Variants in GAS2 observed in about 807,000 individuals in gnomAD.
GAS2 encodes growth arrest specific 2.
Under a neutral mutation model 37.5 loss-of-function variants are expected in GAS2, and 20 were observed. The observed-to-expected ratio is 0.53, with a 90% CI of 0.37 to 0.77. The LOEUF is 0.77. Ranked by LOEUF, GAS2 falls within the 30% of genes least tolerant of loss-of-function variation. The pLI is 0.00. For missense variants in GAS2, 336 were observed against 373.4 expected, an observed-to-expected ratio of 0.90 and a Z score of 0.82; for synonymous variants, 144 against 132.2, an observed-to-expected ratio of 1.09 and a Z score of -0.61.
At chr11:22,698,638 G>A (rs1850668429) in intron 3 of GAS2, among the ~76,000 whole-genome samples, 1 of 149,862 alleles carries the variant, frequency 6.7e-6, no homozygotes, top group South Asian at 2.1e-4. Flanking sequence ...CTGGCAAACC[G>A]AATCCAGCAG....
At chr11:22,655,116 A>G (rs1848840525) in intron 1 of GAS2, among the ~76,000 whole-genome samples, 1 of 152,020 alleles carries the variant, frequency 6.6e-6, no homozygotes, top group South Asian at 2.1e-4. Flanking sequence ...AGCTCTTCAG[A>G]CTGTCTGTCC....
At chr11:22,643,714 C>T (rs935070864) in intron 1 of GAS2, among the ~76,000 whole-genome samples, 7 of 151,424 alleles carry the variant, frequency 4.6e-5, no homozygotes, top group Middle Eastern at 3.4e-3. Context: ...AAAAAAAATA[C>T]GGACCGGGTT....
At chr11:22,761,500 T>C (rs1291162505) in intron 7 of GAS2, among the ~76,000 whole-genome samples, 2 of 152,202 alleles carry the variant, frequency 1.3e-5, no homozygotes, top group Non-Finnish European at 2.9e-5. Context: ...TAATGAATAC[T>C]TTTTTACTTA....
chr11:22,683,234 A>T (rs573087720), intron 2 of GAS2, among the ~76,000 whole-genome samples: 11 of 152,272 alleles, frequency 7.2e-5, no homozygotes, highest in Non-Finnish European at 1.3e-4. Context: ...AGTTTAACTT[A>T]AATGGTTCAT....
intron 3 of GAS2, among the ~76,000 whole-genome samples, chr11:22,718,721 A>C (rs1222589064): frequency 1.3e-5 from 2 of 151,970 alleles, no homozygotes; most frequent in Non-Finnish European, 2.9e-5. Flanking sequence ...ATGAACACTG[A>C]GATTTCTATT....
In GAS2 at chr11:22,683,975, G is replaced by A. The variant is rs768333434; in HGVS notation, c.146-1693G>A. 2.0e-5 allele frequency among the ~76,000 whole-genome samples: 3 copies of A among 152,244 alleles called. No homozygotes were observed. In the East Asian group the frequency reaches 5.8e-4, roughly 29 times the overall value. On this transcript the variant is annotated intron_variant, in intron 2 of 7. Transcript: ENST00000454584. ...AGTGATATTCATGAGTATGACATAC[G>A]GAAAACAGATCAATGTGTACTGGAT...
intron 3 of GAS2, among the ~76,000 whole-genome samples, chr11:22,689,939 T>A (rs1475459010): frequency 3.3e-5 from 5 of 152,342 alleles, no homozygotes; most frequent in Non-Finnish European, 5.9e-5. Flanking sequence ...TTCTTTGAAT[T>A]AATGAAACTG....
intron 1 of GAS2, among the ~76,000 whole-genome samples, chr11:22,667,910 T>C (rs569585656): frequency 6.6e-6 from 1 of 152,354 alleles, no homozygotes; most frequent in Non-Finnish European, 1.5e-5. Flanking sequence ...CAAAACTTTA[T>C]TCTTATAAAA....
At chr11:22,805,564 C>CGGTG (rs1279058128) in intron 7 of GAS2, among the ~76,000 whole-genome samples, 2 of 152,096 alleles carry the variant, frequency 1.3e-5, no homozygotes. Flanking sequence ...TAGTAACCAC[C>CGGTG]ATTCTTTTCT....
intron 1 of GAS2, among the ~76,000 whole-genome samples, chr11:22,647,322 T>G (rs983153720): frequency 1.3e-5 from 2 of 152,158 alleles, no homozygotes; most frequent in Non-Finnish European, 2.9e-5. Flanking sequence ...CAGTCTATCA[T>G]TGTTGGACAC....
At chr11:22,810,321 G>T (rs1434298912) in intron 7 of GAS2, among the ~76,000 whole-genome samples, 1 of 145,156 alleles carries the variant, frequency 6.9e-6, no homozygotes, top group Non-Finnish European at 1.6e-5. Context: ...GTCCAGATGC[G>T]GTGTTCTGGT....
At chr11:22,758,479 G>A (rs1854174267) in intron 7 of GAS2, among the ~76,000 whole-genome samples, 1 of 152,164 alleles carries the variant, frequency 6.6e-6, no homozygotes, top group Non-Finnish European at 1.5e-5. Flanking sequence ...CCTGAGAGCA[G>A]CAGTGTATTC....
intron 1 of GAS2, among the ~76,000 whole-genome samples, chr11:22,635,417 G>T (rs1254430043): frequency 6.6e-6 from 1 of 152,130 alleles, no homozygotes; most frequent in Non-Finnish European, 1.5e-5. Flanking sequence ...GCCTCACCTG[G>T]CCCCTACACA....
chr11:22,707,894 T>C (rs1298204973), intron 3 of GAS2, among the ~76,000 whole-genome samples: 1 of 152,164 alleles, frequency 6.6e-6, no homozygotes, highest in Non-Finnish European at 1.5e-5. Flanking sequence ...AAGATTAATC[T>C]GAGGTTGATG....
At chr11:22,685,162 TAG>T (rs149830117) in intron 2 of GAS2, among the ~76,000 whole-genome samples, 6 of 149,272 alleles carry the variant, frequency 4.0e-5, no homozygotes, top group Admixed American at 6.7e-5. Flanking sequence ...TACAATCCTG[TAG>T]AGAGAGAGAG....
intron 3 of GAS2, among the ~76,000 whole-genome samples, chr11:22,704,427 A>G (rs187394994): frequency 6.6e-6 from 1 of 151,584 alleles, no homozygotes; most frequent in Admixed American, 6.6e-5. Flanking sequence ...GTTATAAAGT[A>G]GAGAAGAGAG....
rs922339860 is a variant in GAS2 at position 22,775,676 on chromosome 11, T to TA, written c.723+19733dup. 3.2e-4 allele frequency among the ~76,000 whole-genome samples: 48 copies of TA among 148,814 alleles called. 1 individual carries two copies. Among genetic ancestry groups the TA allele is most frequent in the Middle Eastern group, 7.0e-3 (2 of 286 alleles). The stretch of plus-strand genomic sequence containing the variant: ...AGTTTTTGTTTGTTTGTTTGTTATT[T>TA]AAAAAAAAAACCTCCGGGTAATATC... On this transcript the variant is annotated intron_variant, in intron 7 of 7. Coordinates refer to ENST00000454584, the MANE Select transcript of GAS2 (RefSeq NM_001143830.3).
intron 1 of GAS2, among the ~76,000 whole-genome samples, chr11:22,672,855 C>G (rs1849259434): frequency 6.7e-6 from 1 of 150,212 alleles, no homozygotes. Context: ...TTGGGTTTTT[C>G]ATGTTTAATC....
At chr11:22,706,178 GA>G (rs1283384513) in intron 3 of GAS2, among the ~76,000 whole-genome samples, 1 of 152,086 alleles carries the variant, frequency 6.6e-6, no homozygotes, top group African/African-American at 2.4e-5. Flanking sequence ...CCTTTAAAAT[GA>G]CAACATTAGC....
Sources: gnomAD v4.1 joint callset for allele counts (sites outside exome capture counted in the v4.1 genomes callset) on GRCh38, gnomAD v4.1.1 for gene constraint, MANE v1.5 for transcripts, NCBI Gene and HGNC (gene_info 2026-07-23, HGNC 2026-07-21) for gene names.